TMEM131L: variants seen among roughly 807,000 people sequenced by gnomAD.
The protein encoded by TMEM131L is transmembrane 131 like, also known as transmembrane protein 131-like.
A neutral mutation model predicts 192.2 loss-of-function variants in TMEM131L; 54 were observed. The observed-to-expected ratio is 0.28, with a 90% CI of 0.23 to 0.35. The LOEUF (loss-of-function observed/expected upper bound fraction) is 0.35, where lower values mean the gene tolerates loss of function less well. TMEM131L is among the 10% of genes least tolerant of loss of function. TMEM131L has a pLI of 1.00. For synonymous variants in TMEM131L, 701 were observed against 704.9 expected (o/e 0.99, Z 0.09); for missense variants, 1,888 against 1,972.9 (o/e 0.96, Z 0.82).
At chr4:153,627,991 C>A (rs1733967784) in intron 31 of TMEM131L, among the ~76,000 whole-genome samples, 1 of 152,208 alleles carries the variant, frequency 6.6e-6, no homozygotes, top group Non-Finnish European at 1.5e-5. Context: ...ATTTAGTTCA[C>A]CTTCCCTAGT....
chr4:153,590,165 TGTTTTCTTA>T (rs1433273233), intron 16 of TMEM131L, among the ~76,000 whole-genome samples: 1 of 152,230 alleles, frequency 6.6e-6, no homozygotes, highest in Non-Finnish European at 1.5e-5. Context: ...TTGGTTGTCT[TGTTTTCTTA>T]GTTTTCTTTA....
intron 3 of TMEM131L, among the ~76,000 whole-genome samples, chr4:153,490,953 CAAAAAAAAAAAAA>C (rs3040164): frequency 1.2e-5 from 1 of 82,108 alleles, no homozygotes; most frequent in Non-Finnish European, 2.4e-5. Flanking sequence ...GACTCTGTCT[CAAAAAAAAAAAAA>C]AAAAAAAAGA....
intron 31 of TMEM131L, 102 bp downstream of exon 31, chr4:153,627,789 G>A (rs1733952693): frequency 1.1e-6 from 1 of 901,974 alleles, no homozygotes; most frequent in South Asian, 1.5e-5. Context: ...GGGTGGGACA[G>A]GGCCATTTCC....
At chr4:153,469,314 G>GACACACACACACACACACACACAC (rs201245535) in intron 2 of TMEM131L, among the ~76,000 whole-genome samples, 87 of 148,924 alleles carry the variant, frequency 5.8e-4, no homozygotes, top group African/African-American at 2.1e-3. Flanking sequence ...GGGTAAGGGA[G>GACACACACACACACACACACACAC]ACACACACAC....
chr4:153,581,368 A>AT (rs760679068), intron 8 of TMEM131L, 39 bp from the exon 9 acceptor site: 3,225 of 1,364,786 alleles, frequency 2.4e-3, no homozygotes, highest in South Asian at 4.9e-3. Flanking sequence ...AGTTGAGATG[A>AT]TTTTTTTTTT....
At chr4:153,543,616 C>T (rs1736958842) in intron 3 of TMEM131L, among the ~76,000 whole-genome samples, 1 of 152,148 alleles carries the variant, frequency 6.6e-6, no homozygotes, top group Non-Finnish European at 1.5e-5. Context: ...CTTTTTATAT[C>T]TGTGCAGGGA....
intron 3 of TMEM131L, among the ~76,000 whole-genome samples, chr4:153,511,311 A>G (rs750361821): frequency 1.3e-4 from 20 of 152,234 alleles, no homozygotes; most frequent in Non-Finnish European, 2.4e-4. Context: ...ATCAAAAAGA[A>G]TGAGATCATG....
rs1302315575 is a variant in TMEM131L at position 153,636,512 on chromosome 4, C to T, written c.4769C>T (p.Thr1590Ile). The T allele has an allele frequency of 6.2e-7, 1 of 1,614,152 alleles. No individual in the cohort carries two copies. The highest frequency in any genetic ancestry group is 8.5e-7 in the Non-Finnish European group (1 of 1,180,014). ...RAYMNLDIWT[T>I]TANRNANFPL... ...TATATGAACCTGGACATATGGACTA[C>T]CACAGCGAATAGGAATGCAAATTTC... Residue 1590 changes from threonine to isoleucine, a missense_variant, in exon 35 of 35, where the codon ACC (threonine) becomes ATC (isoleucine). Transcript: ENST00000409959.
At chr4:153,631,353 G>A (rs1364471598) in intron 31 of TMEM131L, among the ~76,000 whole-genome samples, 1 of 152,216 alleles carries the variant, frequency 6.6e-6, no homozygotes, top group Non-Finnish European at 1.5e-5. Flanking sequence ...TGAAATATAG[G>A]TGGGGCAAGC....
intron 3 of TMEM131L, among the ~76,000 whole-genome samples, chr4:153,486,014 G>C (rs928879353): frequency 6.6e-6 from 1 of 152,182 alleles, no homozygotes; most frequent in Non-Finnish European, 1.5e-5. Context: ...GTGCATACTT[G>C]TCTGCTTTGG....
intron 3 of TMEM131L, among the ~76,000 whole-genome samples, chr4:153,493,387 G>A (rs1398695564): frequency 1.3e-5 from 2 of 148,258 alleles, no homozygotes; most frequent in East Asian, 2.0e-4. Context: ...GGGGCTGGGC[G>A]CAGTGGCTCA....
At chr4:153,484,617 C>T (rs1193809440) in intron 3 of TMEM131L, among the ~76,000 whole-genome samples, 7 of 149,906 alleles carry the variant, frequency 4.7e-5, no homozygotes, top group Non-Finnish European at 7.4e-5. Context: ...TACAGGCGCC[C>T]GCCACCACGC....
intron 3 of TMEM131L, among the ~76,000 whole-genome samples, chr4:153,495,298 C>T (rs1032372441): frequency 2.6e-5 from 4 of 151,136 alleles, no homozygotes; most frequent in African/African-American, 7.3e-5. Flanking sequence ...CCAGCCTGGG[C>T]GACAGAGTGA....
chr4:153,547,890 G>T (rs922613146), intron 3 of TMEM131L, among the ~76,000 whole-genome samples: 5 of 152,252 alleles, frequency 3.3e-5, no homozygotes, highest in Admixed American at 2.0e-4. Flanking sequence ...TCATGTGGAG[G>T]TTGTGTAAAA....
intron 3 of TMEM131L, among the ~76,000 whole-genome samples, chr4:153,517,896 C>CCTTTAGACTTTAA (rs1734845442): frequency 6.6e-6 from 1 of 152,092 alleles, no homozygotes; most frequent in South Asian, 2.1e-4. Flanking sequence ...TTGTTTAAAG[C>CCTTTAGACTTTAA]CTTTAGACTG....
At chr4:153,552,521 C>T (rs908504831) in intron 4 of TMEM131L, among the ~76,000 whole-genome samples, 73 of 152,246 alleles carry the variant, frequency 4.8e-4, no homozygotes, top group African/African-American at 1.6e-3. Flanking sequence ...TACACACAAC[C>T]TCCCATATAC....
chr4:153,622,354 A>G (rs550133866), intron 28 of TMEM131L, among the ~76,000 whole-genome samples: 71 of 151,928 alleles, frequency 4.7e-4, no homozygotes, highest in African/African-American at 1.7e-3. Context: ...GGGGGTTGCA[A>G]CCCTCCCAAC....
chr4:153,624,982 T>C (rs961828838), intron 29 of TMEM131L, among the ~76,000 whole-genome samples: 3 of 152,212 alleles, frequency 2.0e-5, no homozygotes, highest in African/African-American at 7.2e-5. Flanking sequence ...GTTTTCCCTG[T>C]CTTGTCTCGC....
rs764444101 is a variant in TMEM131L at position 153,596,359 on chromosome 4, A to G, written c.2097A>G (p.Gly699=). The change falls in exon 20 of 35, where the codon GGA becomes GGG. Residue 699 remains glycine, a synonymous_variant. Transcript: ENST00000409959. Reference sequence around the variant, plus strand: ...TAGTTTTCACACCTGCTGACTATGGAAAAGTTACCTCACTCATACTAATCC... The same window carrying G: ...TAGTTTTCACACCTGCTGACTATGGGAAAGTTACCTCACTCATACTAATCC... ...VGVVFTPADY[G]KVTSLILIRN... The G allele has an allele frequency of 6.2e-7, 1 of 1,613,894 alleles. No homozygotes were observed. The highest frequency in any genetic ancestry group is 8.5e-7 in the Non-Finnish European group (1 of 1,179,810).
Sources: allele counts gnomAD v4.1 joint callset (sites outside exome capture counted in the v4.1 genomes callset), GRCh38; gene constraint gnomAD v4.1.1; transcripts MANE v1.5; gene names NCBI Gene and HGNC (gene_info 2026-07-23, HGNC 2026-07-21).